NCOR1: variants seen among roughly 807,000 people sequenced by gnomAD.
NCOR1 encodes the protein nuclear receptor corepressor 1.
Under a neutral mutation model 288.1 loss-of-function variants are expected in NCOR1, and 63 were observed. That is an observed-to-expected ratio of 0.22 (90% CI 0.18 to 0.27). The LOEUF is 0.27. Ranked by LOEUF, NCOR1 falls within the 10% of genes least tolerant of loss-of-function variation. The pLI is 1.00. For synonymous variants in NCOR1, 1,007 were observed against 1,065.9 expected (o/e 0.94, Z 1.08); for missense variants, 2,397 against 3,019.2 (o/e 0.79, Z 4.83).
intron 18 of NCOR1, among the ~76,000 whole-genome samples, chr17:16,115,263 A>AT (rs2071347655): frequency 6.6e-6 from 1 of 151,960 alleles, no homozygotes; most frequent in South Asian, 2.1e-4. Context: ...GCATGAAATC[A>AT]TTTTTTCCTC....
chr17:16,073,900 T>C (rs118023219), intron 27 of NCOR1, among the ~76,000 whole-genome samples: 4,633 of 152,324 alleles, frequency 0.03, 121 homozygotes, highest in Non-Finnish European at 0.046. Flanking sequence ...ATGAAAATGC[T>C]AGGAGAGAAA....
intron 2 of NCOR1, among the ~76,000 whole-genome samples, chr17:16,190,123 A>C (rs901809410): frequency 6.6e-6 from 1 of 152,140 alleles, no homozygotes; most frequent in African/African-American, 2.4e-5. Flanking sequence ...CCAGCTACTC[A>C]TGAGGCTGAG....
In NCOR1 at chr17:16,165,085, G is replaced by A. The variant is rs992220232; in HGVS notation, c.512C>T (p.Ala171Val). 1.2e-6 allele frequency: 2 copies of A among 1,611,068 alleles called. No homozygotes were observed. The highest frequency in any genetic ancestry group is 1.7e-6 in the Non-Finnish European group (2 of 1,179,272). ...SGQPCGDDQN[A>V]SPSKLSKEEL... is the part of the protein sequence containing the mutation. ...TTCCTTTGAGAGTTTTGAAGGTGAAGCATTTTGATCATCTCCACATGGTTG... is the reference window on the plus strand; with the variant it reads ...TTCCTTTGAGAGTTTTGAAGGTGAAACATTTTGATCATCTCCACATGGTTG... Residue 171 changes from alanine (A) to valine (V), a missense_variant, in exon 5 of 46, where the codon GCT (alanine) becomes GTT (valine). Around this residue, in one of 11 missense-constraint regions of NCOR1, gnomAD observed 110 missense variants for 123.2 expected, o/e 0.89. Coordinates refer to ENST00000268712, the MANE Select transcript of NCOR1 (RefSeq NM_006311.4).
intron 22 of NCOR1, chr17:16,091,594 T>A (rs1232686106): frequency 7.8e-7 from 1 of 1,289,576 alleles, no homozygotes; most frequent in Non-Finnish European, 9.9e-7. Flanking sequence ...AGCATAACTT[T>A]ATTTATAATG....
At chr17:16,095,478 G>A (rs1264657349) in intron 21 of NCOR1, among the ~76,000 whole-genome samples, 137 of 143,446 alleles carry the variant, frequency 9.6e-4, no homozygotes, top group Non-Finnish European at 1.1e-3. Context: ...CGCCCCGTCC[G>A]GGAGGGAGGT....
intron 31 of NCOR1, among the ~76,000 whole-genome samples, chr17:16,068,682 A>G (rs2061399020): frequency 6.6e-6 from 1 of 150,772 alleles, no homozygotes; most frequent in African/African-American, 2.4e-5. Context: ...ACCAATAAAT[A>G]TATATTCAAA....
In NCOR1 at chr17:16,138,990, A is replaced by C. The variant is rs760687629; in HGVS notation, c.1352+18T>G. The C allele has an allele frequency of 6.0e-5, 89 of 1,484,252 alleles. No homozygotes were observed. The highest frequency in any genetic ancestry group is 8.0e-5 in the Non-Finnish European group (88 of 1,104,298). The allele number at this position is 1,484,252 out of a possible 1,614,324, so 91.9% of individuals were successfully genotyped here. ...TTATGTAGATGTCTATTAGAGAATA[A>C]TTTAAAATATAAATTACTTGTCCTT... On this transcript the variant is annotated intron_variant, in intron 12 of 45. Transcript: ENST00000268712.
intron 40 of NCOR1, among the ~76,000 whole-genome samples, chr17:16,054,066 A>T (rs549738813): frequency 7.0e-6 from 1 of 142,818 alleles, no homozygotes; most frequent in South Asian, 2.2e-4. Context: ...TAAAGACTTA[A>T]ATGTAAAAAA....
intron 44 of NCOR1, among the ~76,000 whole-genome samples, chr17:16,035,450 C>T (rs1190851392): frequency 1.3e-5 from 2 of 151,724 alleles, no homozygotes; most frequent in East Asian, 3.9e-4. Flanking sequence ...TAAGAAGCAA[C>T]TCCTCATCCA....
chr17:16,076,784 C>T (rs2062522640), intron 26 of NCOR1, among the ~76,000 whole-genome samples: 1 of 152,102 alleles, frequency 6.6e-6, no homozygotes, highest in South Asian at 2.1e-4. Flanking sequence ...GCCAAACTTG[C>T]ACCAAAAAAA....
Position 16,110,383 on chromosome 17 carries a change from T to A in NCOR1, c.2056-1471A>T, listed in dbSNP as rs76991955. On this transcript the variant is annotated intron_variant, in intron 18 of 45. Coordinates refer to ENST00000268712, the MANE Select transcript of NCOR1 (RefSeq NM_006311.4). ...AAAACAAAAAACAAAAAAACAAAAA[T>A]TTTTTTTAATTCCTTTTTAAAAAAA... Among the ~76,000 whole-genome samples, 1,017 of 151,986 alleles carry A rather than the reference T, an allele frequency of 6.7e-3. 14 individuals carry two copies. The highest frequency in any genetic ancestry group is 0.023 in the African/African-American group (963 of 41,432).
chr17:16,110,477 C>A (rs139018044), intron 18 of NCOR1, among the ~76,000 whole-genome samples: 2 of 152,048 alleles, frequency 1.3e-5, no homozygotes, highest in Non-Finnish European at 2.9e-5. Context: ...GTCGCATATA[C>A]GTAAGAGTAC....
chr17:16,137,768 T>G, intron 13 of NCOR1: 1 of 219,980 alleles, frequency 4.5e-6, no homozygotes, highest in Non-Finnish European at 8.7e-6. Context: ...CAACTTTATA[T>G]TAAATATGGA....
chr17:16,192,373 G>A (rs1009588970), intron 2 of NCOR1, among the ~76,000 whole-genome samples: 3 of 151,940 alleles, frequency 2.0e-5, no homozygotes, highest in Non-Finnish European at 4.4e-5. Context: ...AAATTAGCTG[G>A]GGCCGGGCAC....
At chr17:16,199,595 T>C (rs1362487369) in intron 1 of NCOR1, among the ~76,000 whole-genome samples, 1 of 152,172 alleles carries the variant, frequency 6.6e-6, no homozygotes, top group African/African-American at 2.4e-5. Context: ...CAGAATACTT[T>C]ACATTTGAAA....
At chr17:16,177,322 T>A (rs546569577) in intron 3 of NCOR1, among the ~76,000 whole-genome samples, 1 of 152,244 alleles carries the variant, frequency 6.6e-6, no homozygotes, top group African/African-American at 2.4e-5. Flanking sequence ...TTATAGTGCA[T>A]AGCACTTACG....
At position 16,105,973 on chromosome 17, in the gene NCOR1, G is replaced by T. The variant is rs576359827; in HGVS notation, c.2182+2813C>A. Among the ~76,000 whole-genome samples, 4 of 152,202 alleles carry T rather than the reference G, an allele frequency of 2.6e-5. No homozygotes were observed. In the East Asian group the frequency reaches 7.8e-4, roughly 30 times the overall value. On this transcript the variant is annotated intron_variant, in intron 19 of 45. Coordinates refer to ENST00000268712, the MANE Select transcript of NCOR1 (RefSeq NM_006311.4). ...AAATTAGCTGGGCGTGGTGGCAAGT[G>T]CCTATAATCCCAGCTACTCGGGAGG...
At chr17:16,035,833 T>C (rs2056243320) in intron 44 of NCOR1, among the ~76,000 whole-genome samples, 1 of 152,116 alleles carries the variant, frequency 6.6e-6, no homozygotes, top group Non-Finnish European at 1.5e-5. Context: ...TGAGTCATCA[T>C]ACCCGGCCTC....
Position 16,126,143 on chromosome 17 carries a change from TTTTTTCTGC to T in NCOR1, c.1564_1572del (p.Ala522_Lys524del). The stretch of plus-strand genomic sequence containing the variant: ...TTCTTTTCTTCTTCTTTTTTTTCTG[TTTTTTCTGC>T]TTTATCCTCTTCTTTTTCTTCTACT... On this transcript the variant is annotated inframe_deletion, in exon 15 of 46. Transcript: ENST00000268712. 1 of 1,570,804 alleles carries T rather than the reference TTTTTTCTGC, an allele frequency of 6.4e-7. No individual in the cohort carries two copies. The highest frequency in any genetic ancestry group is 8.6e-7 in the Non-Finnish European group (1 of 1,158,732).
Sources: allele counts gnomAD v4.1 joint callset (sites outside exome capture counted in the v4.1 genomes callset), GRCh38; gene constraint gnomAD v4.1.1; regional missense constraint gnomAD v4.1.1; transcripts MANE v1.5; gene names NCBI Gene and HGNC (gene_info 2026-07-23, HGNC 2026-07-21).